Variants in MID1 observed in about 807,000 individuals in gnomAD.
MID1 encodes E3 ubiquitin-protein ligase Midline-1.
Under a neutral mutation model 40.4 loss-of-function variants are expected in MID1, and 7 were observed. That is an observed-to-expected ratio of 0.17 (90% CI 0.10 to 0.33). MID1 has a LOEUF of 0.33. Among genes scored for constraint, MID1 ranks in the 10% least tolerant of loss-of-function variants. The pLI, the probability that MID1 is intolerant of heterozygous loss-of-function variation, is 1.00. For missense variants in MID1, 367 were observed against 558.5 expected (o/e 0.66, Z 3.46); for synonymous variants, 229 against 221.2 (o/e 1.04, Z -0.31).
intron 1 of MID1, among the ~76,000 whole-genome samples, chrX:10,702,311 T>C (rs1403731530): frequency 8.9e-6 from 1 of 112,142 alleles, no homozygotes. Flanking sequence ...CTCACTGGCC[T>C]GAAAATGAAG....
chrX:10,545,972 G>A (rs981960602), intron 2 of MID1, among the ~76,000 whole-genome samples: 7 of 111,060 alleles, frequency 6.3e-5, no homozygotes, highest in Non-Finnish European at 9.4e-5. Flanking sequence ...ACATAGTTTA[G>A]ATTTTCACTG....
intron 1 of MID1, among the ~76,000 whole-genome samples, chrX:10,758,153 T>C (rs1049158291): frequency 6.6e-5 from 7 of 106,646 alleles, no homozygotes; most frequent in Non-Finnish European, 1.3e-4. Context: ...TTTTGTATTT[T>C]TTGTAGAGAT....
At chrX:10,522,897 A>G (rs1278657213) in intron 3 of MID1, among the ~76,000 whole-genome samples, 195 bp downstream of exon 3, 1 of 112,329 alleles carries the variant, frequency 8.9e-6, no homozygotes, top group Non-Finnish European at 1.9e-5. Context: ...TGGGAATGGG[A>G]AGCAGCCCTG....
intron 1 of MID1, among the ~76,000 whole-genome samples, chrX:10,741,495 C>T (rs905375862): frequency 9.4e-5 from 10 of 106,291 alleles, no homozygotes; most frequent in Non-Finnish European, 1.9e-4. Context: ...TTCTTTCCTT[C>T]TTAGGTTAAA....
chrX:10,545,151 G>A (rs1239003777), intron 2 of MID1, among the ~76,000 whole-genome samples: 1 of 110,834 alleles, frequency 9.0e-6, no homozygotes, highest in African/African-American at 3.3e-5. Flanking sequence ...TAGTAGAGAC[G>A]AGGTTTCCCC....
intron 1 of MID1, among the ~76,000 whole-genome samples, chrX:10,589,217 A>T (rs1304243294): frequency 8.9e-6 from 1 of 111,944 alleles, no homozygotes; most frequent in Non-Finnish European, 1.9e-5. Context: ...CAAGCAATCC[A>T]AGTCAAGTCA....
intron 1 of MID1, among the ~76,000 whole-genome samples, chrX:10,576,085 A>G (rs1355884365): frequency 9.2e-6 from 1 of 109,230 alleles, no homozygotes; most frequent in African/African-American, 3.4e-5. Flanking sequence ...GATATTTTGA[A>G]TAACTTGACA....
intron 1 of MID1, among the ~76,000 whole-genome samples, chrX:10,686,585 A>G (rs1360036222): frequency 8.9e-6 from 1 of 112,373 alleles, no homozygotes; most frequent in Non-Finnish European, 1.9e-5. Context: ...GCTTTCCCTT[A>G]GTCCCAACAC....
chrX:10,596,161 G>A (rs189839780), intron 1 of MID1, among the ~76,000 whole-genome samples: 3 of 111,944 alleles, frequency 2.7e-5, no homozygotes, highest in Non-Finnish European at 3.8e-5. Context: ...TTCACCAGGA[G>A]CTATTCAGAA....
At chrX:10,794,320 T>A (rs756553231) in intron 1 of MID1, among the ~76,000 whole-genome samples, 92 of 112,027 alleles carry the variant, frequency 8.2e-4, no homozygotes, top group Non-Finnish European at 1.4e-3. Flanking sequence ...TGAAGTGAGT[T>A]TTTATTACCT....
At chrX:10,685,877 T>TACACGC (rs2043092597) in intron 1 of MID1, among the ~76,000 whole-genome samples, 1 of 80,495 alleles carries the variant, frequency 1.2e-5, no homozygotes, top group Non-Finnish European at 2.4e-5. Flanking sequence ...CACATACTCA[T>TACACGC]ACACACACAC....
At chrX:10,784,513 T>G (rs962515742) in intron 1 of MID1, among the ~76,000 whole-genome samples, 2 of 101,172 alleles carry the variant, frequency 2.0e-5, no homozygotes, top group Admixed American at 2.2e-4. Context: ...TGGGACAATC[T>G]CGGCTCACTG....
intron 3 of MID1, among the ~76,000 whole-genome samples, chrX:10,521,377 C>T (rs1027327840): frequency 2.7e-5 from 3 of 111,118 alleles, no homozygotes; most frequent in Non-Finnish European, 5.7e-5. Context: ...GGAGCGATGA[C>T]TCTGGTCCAG....
chrX:10,555,683 T>C (rs1433960909), intron 2 of MID1, among the ~76,000 whole-genome samples: 3 of 111,040 alleles, frequency 2.7e-5, no homozygotes, highest in African/African-American at 9.8e-5. Flanking sequence ...AGAATATTTA[T>C]AAAGGCACAA....
At chrX:10,469,557 T>C in intron 7 of MID1, 140 bp downstream of exon 7, 1 of 1,205,224 alleles carries the variant, frequency 8.3e-7, no homozygotes, top group Non-Finnish European at 1.1e-6. Flanking sequence ...GTGCTATCAC[T>C]TTTTTGTTCA....
At chrX:10,474,132 C>T (rs935672754) in intron 6 of MID1, among the ~76,000 whole-genome samples, 2 of 111,768 alleles carry the variant, frequency 1.8e-5, no homozygotes, top group Admixed American at 1.9e-4. Context: ...CCCTAGTTAC[C>T]TGATTTCCAG....
chrX:10,739,822 A>T (rs1397097377), intron 1 of MID1, among the ~76,000 whole-genome samples: 6 of 112,559 alleles, frequency 5.3e-5, no homozygotes, highest in Non-Finnish European at 9.4e-5. Context: ...GGTGAAGTGT[A>T]ATGTGTGCTG....
chrX:10,605,049 C>CT (rs1290714958), intron 1 of MID1, among the ~76,000 whole-genome samples: 2 of 112,408 alleles, frequency 1.8e-5, no homozygotes. Context: ...TGCATCAACT[C>CT]TAATTTGTAA....
chrX:10,716,655 C>A (rs1293207303), intron 1 of MID1, among the ~76,000 whole-genome samples: 1 of 111,259 alleles, frequency 9.0e-6, no homozygotes, highest in Non-Finnish European at 1.9e-5. Context: ...CCCAATCTAG[C>A]AAGGCAGGCC....
Sources: allele counts gnomAD v4.1 joint callset (sites outside exome capture counted in the v4.1 genomes callset), GRCh38; gene constraint gnomAD v4.1.1; transcripts MANE v1.5; gene names NCBI Gene and HGNC (gene_info 2026-07-23, HGNC 2026-07-21).